Variants in AVEN observed in about 807,000 individuals in gnomAD.
AVEN encodes cell death regulator Aven.
In AVEN, 41 loss-of-function variants were observed where a neutral mutation model predicts 38.1. The ratio of observed to expected loss-of-function variants is 1.08; its 90% CI spans 0.84 to 1.40. The LOEUF (loss-of-function observed/expected upper bound fraction) is 1.40. AVEN is among the 40% of genes most tolerant of loss of function. The probability of loss-of-function intolerance (pLI) is 0.00; values close to 1 mark genes in which losing one functional copy is unlikely to be tolerated. For synonymous variants in AVEN, 206 were observed against 171.8 expected (o/e 1.20, Z -1.56); for missense variants, 605 against 438.8 (o/e 1.38, Z -3.38).
intron 5 of AVEN, 110 bp downstream of exon 5, chr15:33,867,385 T>C (rs1306097055): frequency 8.5e-6 from 12 of 1,419,988 alleles, no homozygotes; most frequent in Admixed American, 7.1e-5. Context: ...TGGACAACAC[T>C]GGATCAATGT....
chr15:33,938,830 C>G (rs1894200834), intron 2 of AVEN, among the ~76,000 whole-genome samples: 3 of 152,148 alleles, frequency 2.0e-5, no homozygotes. Context: ...CTATTTCTTT[C>G]TTCCTTTTTT....
chr15:33,865,629 AG>A (rs1396565665), downstream of AVEN: 5 of 98,310 alleles, frequency 5.1e-5, no homozygotes, highest in African/African-American at 1.8e-4. Context: ...TGTGACTCAT[AG>A]GGTCTGAACT....
At chr15:33,869,073 A>G (rs1414980111) in intron 4 of AVEN, among the ~76,000 whole-genome samples, 1 of 152,194 alleles carries the variant, frequency 6.6e-6, no homozygotes, top group African/African-American at 2.4e-5. Context: ...CTGAGCAGAC[A>G]TGTAAGACGG....
chr15:34,046,343 G>GGA (rs1555520151), intron 5 of AVEN, among the ~76,000 whole-genome samples: 1 of 141,434 alleles, frequency 7.1e-6, no homozygotes, highest in African/African-American at 2.6e-5. Context: ...AGTGAGGCAG[G>GGA]AAAAAAAAAA....
rs576584618 is a variant in AVEN, at chr15:33,860,048, C to T, written n.2730-954G>A. 2.0e-5 allele frequency among the ~76,000 whole-genome samples: 3 copies of T among 152,216 alleles called. No individual in the cohort carries two copies. The South Asian group carries it at 6.2e-4, about 32-fold the overall frequency. ...CTAGTCTTGTCCTCTTCATTTTCTT[C>T]CCAGAGAGGGAGGTAGGGTAGGAGC... is the stretch of plus-strand genomic sequence containing the variant. On this transcript the variant is annotated intron_variant and non_coding_transcript_variant, in intron 11 of 11. Transcript: ENST00000675287.
chr15:34,011,089 G>A (rs1364536368), intron 1 of AVEN, among the ~76,000 whole-genome samples: 4 of 152,070 alleles, frequency 2.6e-5, no homozygotes, highest in Non-Finnish European at 4.4e-5. Flanking sequence ...CACTTTGGGA[G>A]GCCTAGGCAA....
intron 1 of AVEN, chr15:34,018,366 C>A (rs1186766246): frequency 6.6e-6 from 1 of 151,848 alleles, no homozygotes; most frequent in Non-Finnish European, 1.5e-5. Context: ...GATGGTGTGT[C>A]CAGAGTTTGT....
chr15:34,047,171 G>T (rs935918870), intron 5 of AVEN, among the ~76,000 whole-genome samples: 85 of 151,232 alleles, frequency 5.6e-4, no homozygotes, highest in African/African-American at 2.0e-3. Flanking sequence ...TCCGCCTCCC[G>T]GGTTCACGCC....
Position 33,866,667 on chromosome 15 carries a change from G to A in AVEN, c.1035C>T (p.Ser345=), listed in dbSNP as rs755212929. The part of the protein sequence containing the change: ...KNMEPEQPST[S]KNVTEEELED... ...CCAGCTCTTCCTCGGTAACATTTTT[G>A]GAGGTACTTGGTTGCTCAGGTTCCA... Residue 345 remains serine, a synonymous_variant, in exon 6 of 6, where the codon TCC becomes TCT. Coordinates refer to ENST00000306730, the MANE Select transcript of AVEN (RefSeq NM_020371.3). 2 of 1,614,090 alleles carry A rather than the reference G, an allele frequency of 1.2e-6. No individual in the cohort carries two copies. The highest frequency in any genetic ancestry group is 8.5e-7 in the Non-Finnish European group (1 of 1,180,004).
chr15:33,888,670 C>G (rs1000978179), intron 2 of AVEN, among the ~76,000 whole-genome samples: 1 of 151,772 alleles, frequency 6.6e-6, no homozygotes, highest in Admixed American at 6.6e-5. Flanking sequence ...GTTTTATAGT[C>G]AATATATTTA....
chr15:33,978,427 C>A (rs1895988361), intron 2 of AVEN, among the ~76,000 whole-genome samples: 1 of 152,024 alleles, frequency 6.6e-6, no homozygotes, highest in Non-Finnish European at 1.5e-5. Context: ...ACTTTAGGAG[C>A]CCGAGGTGGG....
intron 11 of AVEN, chr15:33,859,736 G>A: frequency 1.9e-6 from 3 of 1,603,898 alleles, no homozygotes; most frequent in Non-Finnish European, 2.6e-6. Context: ...TTCAAGGTAT[G>A]ATTGCCAATT....
intron 2 of AVEN, among the ~76,000 whole-genome samples, chr15:33,954,871 G>A (rs1157049477): frequency 1.3e-5 from 2 of 152,102 alleles, no homozygotes; most frequent in African/African-American, 4.8e-5. Context: ...TAATATCTGA[G>A]TTATCAATAT....
At chr15:34,074,683 C>T (rs147389723) in exon 1 of AVEN, among the ~76,000 whole-genome samples, 126 of 152,244 alleles carry the variant, frequency 8.3e-4, no homozygotes, top group African/African-American at 2.7e-3. Flanking sequence ...TAGGGTCCAC[C>T]GTAATGACTT....
chr15:34,056,090 A>G (rs752832263), intron 5 of AVEN, among the ~76,000 whole-genome samples: 3 of 152,196 alleles, frequency 2.0e-5, no homozygotes, highest in African/African-American at 2.4e-5. Flanking sequence ...GGCTGTTTTC[A>G]CTACACTAAC....
chr15:33,902,718 A>G (rs1892540069), intron 2 of AVEN, among the ~76,000 whole-genome samples: 1 of 152,246 alleles, frequency 6.6e-6, no homozygotes, highest in African/African-American at 2.4e-5. Flanking sequence ...AAGTTGCAAT[A>G]TACAAAATCA....
chr15:33,959,851 G>T (rs1209493576), intron 2 of AVEN, among the ~76,000 whole-genome samples: 1 of 152,100 alleles, frequency 6.6e-6, no homozygotes, highest in African/African-American at 2.4e-5. Flanking sequence ...CAGCAGAAAG[G>T]ATATATATCA....
chr15:33,954,472 A>C (rs1405331133), intron 2 of AVEN, among the ~76,000 whole-genome samples: 1 of 152,208 alleles, frequency 6.6e-6, no homozygotes, highest in Non-Finnish European at 1.5e-5. Flanking sequence ...CTATGCAGCC[A>C]GAAAAAAGGA....
intron 2 of AVEN, among the ~76,000 whole-genome samples, chr15:33,886,879 G>T (rs1350982924): frequency 1.3e-5 from 2 of 152,174 alleles, no homozygotes; most frequent in Non-Finnish European, 2.9e-5. Flanking sequence ...CATGCCTGGG[G>T]AGGCCCTTCT....
Sources: gnomAD v4.1 joint callset for allele counts (sites outside exome capture counted in the v4.1 genomes callset) on GRCh38, gnomAD v4.1.1 for gene constraint, MANE v1.5 for transcripts, NCBI Gene and HGNC (gene_info 2026-07-23, HGNC 2026-07-21) for gene names.